The following FARP2 variants were observed in gnomAD, a reference collection of about 807,000 sequenced individuals.
The protein encoded by FARP2 is FERM, ARHGEF and pleckstrin domain-containing protein 2.
Under a neutral mutation model 130.5 loss-of-function variants are expected in FARP2, and 111 were observed. The ratio of observed to expected loss-of-function variants is 0.85; its 90% CI spans 0.73 to 1.00. The LOEUF is 1.00. FARP2 is among the 50% of genes least tolerant of loss of function. The pLI, the probability that FARP2 is intolerant of heterozygous loss-of-function variation, is 0.00. For synonymous variants in FARP2, 504 were observed against 516.9 expected (o/e 0.98, Z 0.34); for missense variants, 1,385 against 1,346.3 (o/e 1.03, Z -0.45).
intron 18 of FARP2, 73 bp downstream of exon 18, chr2:241,468,450 C>T (rs2064231566): frequency 8.9e-7 from 1 of 1,123,608 alleles, no homozygotes; most frequent in Admixed American, 1.8e-5. Context: ...CTTTGCCAGA[C>T]CTGAAGACTT....
At chr2:241,418,431 C>T (rs1427928922) in intron 8 of FARP2, among the ~76,000 whole-genome samples, 1 of 152,168 alleles carries the variant, frequency 6.6e-6, no homozygotes, top group African/African-American at 2.4e-5. Flanking sequence ...GCATTCCCTC[C>T]TGGGATTCGG....
chr2:241,412,160 A>G (rs1344026279), intron 6 of FARP2, among the ~76,000 whole-genome samples: 1 of 152,164 alleles, frequency 6.6e-6, no homozygotes, highest in African/African-American at 2.4e-5. Context: ...CCATTTCCAC[A>G]CTGCTGATAG....
intron 2 of FARP2, among the ~76,000 whole-genome samples, chr2:241,384,435 T>TA (rs1346476258): frequency 6.6e-6 from 1 of 152,206 alleles, no homozygotes; most frequent in Non-Finnish European, 1.5e-5. Context: ...TCCACAATCT[T>TA]AAACACTTGC....
intron 18 of FARP2, among the ~76,000 whole-genome samples, chr2:241,473,250 C>T (rs1420669027): frequency 1.3e-5 from 2 of 148,758 alleles, no homozygotes; most frequent in African/African-American, 5.0e-5. Flanking sequence ...TGTGGTGACC[C>T]TGCTCTATAG....
intron 8 of FARP2, among the ~76,000 whole-genome samples, chr2:241,419,824 G>T (rs1263662009): frequency 1.3e-5 from 2 of 152,156 alleles, no homozygotes; most frequent in Non-Finnish European, 2.9e-5. Context: ...CCTTGTTTGT[G>T]ATAGTAAAAT....
intron 3 of FARP2, 126 bp from the exon 4 acceptor site, chr2:241,404,673 G>A: frequency 1.5e-6 from 1 of 648,448 alleles, no homozygotes; most frequent in South Asian, 1.9e-5. Flanking sequence ...TTAAGAGGGG[G>A]GGTAGAGTCA....
In FARP2 at chr2:241,463,883, G is replaced by T. The variant is rs774972938; in HGVS notation, c.1812-16G>T. ...CTTTCACCATGTTTAGGATGACTTT[G>T]TTTCTTTTTACTCAGGGAAGGGCCC... is the stretch of plus-strand genomic sequence containing the variant. On this transcript the variant is annotated splice_polypyrimidine_tract_variant and intron_variant, in intron 16 of 26. Transcript: ENST00000264042. The T allele has an allele frequency of 6.2e-7, 1 of 1,610,428 alleles. No homozygotes were observed. The highest frequency in any genetic ancestry group is 2.2e-5 in the East Asian group (1 of 44,850).
intron 18 of FARP2, 46 bp downstream of exon 18, chr2:241,468,423 C>G (rs1019869806): frequency 9.4e-6 from 14 of 1,494,350 alleles, no homozygotes; most frequent in Non-Finnish European, 1.3e-5. Flanking sequence ...GCGTGCGTGG[C>G]TGGGAGGCAG....
At chr2:241,438,643 T>G (rs2063305249) in intron 12 of FARP2, among the ~76,000 whole-genome samples, 1 of 151,136 alleles carries the variant, frequency 6.6e-6, no homozygotes. Context: ...TGTTTTTTTT[T>G]TTTTGAGACA....
intron 1 of FARP2, among the ~76,000 whole-genome samples, chr2:241,371,374 C>T (rs1322277213): frequency 2.6e-5 from 4 of 152,178 alleles, no homozygotes; most frequent in African/African-American, 7.2e-5. Flanking sequence ...GTCCCAGCTA[C>T]GCCAGAGGCT....
chr2:241,359,399 A>G (rs903876078), intron 1 of FARP2, among the ~76,000 whole-genome samples: 2 of 152,124 alleles, frequency 1.3e-5, no homozygotes, highest in East Asian at 3.9e-4. Flanking sequence ...GTCCTATCCC[A>G]GCTGCAAAAC....
chr2:241,402,485 G>A (rs554688800), intron 2 of FARP2, among the ~76,000 whole-genome samples: 1 of 152,104 alleles, frequency 6.6e-6, no homozygotes, highest in South Asian at 2.1e-4. Context: ...TGTTAAATGT[G>A]TTTCTGTTCA....
At chr2:241,492,772 T>TAA in intron 24 of FARP2, 157 bp from the exon 25 acceptor site, 1 of 579,310 alleles carries the variant, frequency 1.7e-6, no homozygotes. Flanking sequence ...CTGTTGGACT[T>TAA]AAGTACTGAT....
chr2:241,390,158 C>T (rs2061873655), intron 2 of FARP2, among the ~76,000 whole-genome samples: 2 of 152,238 alleles, frequency 1.3e-5, no homozygotes, highest in South Asian at 4.1e-4. Context: ...TGTGCCCCCA[C>T]TACAGATGCC....
At chr2:241,456,672 A>T (rs2074774) in intron 13 of FARP2, 75 bp from the exon 14 acceptor site, 511,016 of 1,452,392 alleles carry the variant, frequency 0.35, 93,245 homozygotes, top group Admixed American at 0.57. Flanking sequence ...TGGTCAGGAG[A>T]GTAGTAGCGG....
chr2:241,468,129 C>CGCCT lies in FARP2; in HGVS notation c.1894-10_1894-7dup. On this transcript the variant is annotated splice_polypyrimidine_tract_variant and intron_variant, in intron 17 of 26. Coordinates refer to ENST00000264042, the MANE Select transcript of FARP2 (RefSeq NM_014808.4). The stretch of plus-strand genomic sequence containing the variant: ...TCCTCACCTAAAGGCCCCACTCTTG[C>CGCCT]GCCTCCACAGGAGTTTACCAGCTAC... The CGCCT allele has an allele frequency of 6.4e-7, 1 of 1,567,838 alleles. No homozygotes were observed. Among genetic ancestry groups the CGCCT allele is most frequent in the Non-Finnish European group, 8.8e-7 (1 of 1,137,800 alleles).
At chr2:241,375,765 T>C (rs1175053896) in intron 2 of FARP2, among the ~76,000 whole-genome samples, 1 of 148,416 alleles carries the variant, frequency 6.7e-6, no homozygotes, top group South Asian at 2.1e-4. Context: ...ATGGGGTACT[T>C]TTTTTTTTTA....
chr2:241,487,108 G>A lies in FARP2; in HGVS notation c.2421+2777G>A, dbSNP rs141884836. ...AGTTTTTTGTACACATTAGTGAAAT[G>A]TTTATATGATAATGCTCACCAACAC... On this transcript the variant is annotated intron_variant, in intron 21 of 26. Transcript: ENST00000264042. 2.2e-4 allele frequency among the ~76,000 whole-genome samples: 33 copies of A among 152,280 alleles called. 1 individual carries two copies. The East Asian group carries it at 5.6e-3, about 26-fold the overall frequency.
chr2:241,490,044 G>A lies in FARP2; in HGVS notation c.2504G>A (p.Ser835Asn), dbSNP rs1559816086. 5 of 1,611,326 alleles carry A rather than the reference G, an allele frequency of 3.1e-6. No homozygotes were observed. The highest frequency in any genetic ancestry group is 4.2e-6 in the Non-Finnish European group (5 of 1,177,560). ...CAGAAAACAATCGTGGTGGCAGCCA[G>A]GTAAGGGTCTTCCATGTCTCCATCC... ...AAQKTIVVAA[S>N]TRLEKEKWML... is the part of the protein sequence containing the mutation. The change falls in exon 22 of 27, where the codon AGC (serine) becomes AAC (asparagine). Residue 835 changes from serine to asparagine, a missense_variant and splice_region_variant. Physicochemically the swap from Ser to Asn is conservative, Grantham distance 46. Coordinates refer to ENST00000264042, the MANE Select transcript of FARP2 (RefSeq NM_014808.4).
Sources: allele counts gnomAD v4.1 joint callset (sites outside exome capture counted in the v4.1 genomes callset), GRCh38; gene constraint gnomAD v4.1.1; transcripts MANE v1.5; gene names NCBI Gene and HGNC (gene_info 2026-07-23, HGNC 2026-07-21).